AGBL1: variants seen among roughly 807,000 people sequenced by gnomAD.
The protein encoded by AGBL1 is AGBL carboxypeptidase 1, also known as cytosolic carboxypeptidase 4.
A neutral mutation model predicts 118.9 loss-of-function variants in AGBL1; 130 were observed. The ratio of observed to expected loss-of-function variants is 1.09; its 90% CI spans 0.95 to 1.26. AGBL1 has a LOEUF of 1.26. AGBL1 is among the 50% of genes most tolerant of loss of function. The pLI is 0.00. For missense variants in AGBL1, 1,584 were observed against 1,298.1 expected (o/e 1.22, Z -3.38); for synonymous variants, 555 against 478.9 (o/e 1.16, Z -2.08).
intron 23 of AGBL1, among the ~76,000 whole-genome samples, chr15:86,967,439 C>T (rs1253343034): frequency 1.3e-5 from 2 of 152,064 alleles, no homozygotes; most frequent in Non-Finnish European, 2.9e-5. Flanking sequence ...AGGTTTTCTT[C>T]TAGGGTTTTT....
At chr15:86,705,594 T>C (rs2086435902) in intron 22 of AGBL1, among the ~76,000 whole-genome samples, 1 of 152,190 alleles carries the variant, frequency 6.6e-6, no homozygotes, top group Non-Finnish European at 1.5e-5. Flanking sequence ...CATTCCTCAA[T>C]TGAGACTGCT....
chr15:86,740,598 G>A (rs8032399), intron 22 of AGBL1, among the ~76,000 whole-genome samples: 126,294 of 152,140 alleles, frequency 0.83, 52,612 homozygotes, highest in East Asian at 0.94. Context: ...GTTGAGTGAT[G>A]ATTATGGCAC....
intron 18 of AGBL1, among the ~76,000 whole-genome samples, chr15:86,470,894 A>G (rs1335160322): frequency 6.6e-6 from 1 of 152,016 alleles, no homozygotes; most frequent in South Asian, 2.1e-4. Flanking sequence ...GCATTACTGA[A>G]TTTGTTTATT....
At chr15:86,449,451 A>G (rs1271151164) in intron 18 of AGBL1, among the ~76,000 whole-genome samples, 1 of 152,214 alleles carries the variant, frequency 6.6e-6, no homozygotes, top group Non-Finnish European at 1.5e-5. Flanking sequence ...CAACAGTGGT[A>G]CAGTGGTTGA....
chr15:86,219,945 CTTTT>C (rs68023928), intron 5 of AGBL1, among the ~76,000 whole-genome samples: 4 of 85,772 alleles, frequency 4.7e-5, no homozygotes, highest in East Asian at 4.1e-4. Flanking sequence ...AATGCTGCCT[CTTTT>C]TTTTTTTTTT....
intron 18 of AGBL1, among the ~76,000 whole-genome samples, chr15:86,438,655 CTCTTT>C (rs2082026101): frequency 7.4e-6 from 1 of 135,106 alleles, no homozygotes; most frequent in Non-Finnish European, 1.5e-5. Flanking sequence ...GATAATCTGT[CTCTTT>C]TTTTTTTTTT....
At chr15:86,167,861 A>G (rs778854446) in intron 5 of AGBL1, among the ~76,000 whole-genome samples, 7 of 152,242 alleles carry the variant, frequency 4.6e-5, no homozygotes, top group Admixed American at 1.3e-4. Flanking sequence ...TTATAGTGCT[A>G]TTTTAATATT....
intron 18 of AGBL1, among the ~76,000 whole-genome samples, chr15:86,498,473 T>C (rs934300090): frequency 1.3e-5 from 2 of 151,928 alleles, no homozygotes; most frequent in African/African-American, 4.8e-5. Flanking sequence ...TGGCAAGAAA[T>C]TTGAACCAGA....
chr15:86,092,518 A>G (rs570417316), intron 1 of AGBL1, among the ~76,000 whole-genome samples: 1 of 152,306 alleles, frequency 6.6e-6, no homozygotes. Context: ...CTAATGATAA[A>G]ATGAGCTTGT....
At chr15:86,726,499 T>C (rs2086820750) in intron 22 of AGBL1, among the ~76,000 whole-genome samples, 1 of 152,214 alleles carries the variant, frequency 6.6e-6, no homozygotes, top group Non-Finnish European at 1.5e-5. Context: ...AACTTAGGAT[T>C]GAGCAAGATA....
At chr15:86,213,349 T>C (rs937778492) in intron 5 of AGBL1, among the ~76,000 whole-genome samples, 3 of 152,166 alleles carry the variant, frequency 2.0e-5, no homozygotes, top group Non-Finnish European at 2.9e-5. Flanking sequence ...AGTCCCTTGG[T>C]CAGATCTACT....
chr15:86,858,937 C>A (rs909277483), intron 22 of AGBL1, among the ~76,000 whole-genome samples: 1 of 152,144 alleles, frequency 6.6e-6, no homozygotes, highest in Non-Finnish European at 1.5e-5. Context: ...ATTATTACCT[C>A]CACCTTATGG....
Position 86,199,811 on chromosome 15 carries a change from A to AT in AGBL1, c.489-25102dup, listed in dbSNP as rs756949541. 2.6e-5 allele frequency among the ~76,000 whole-genome samples: 4 copies of AT among 152,334 alleles called. No homozygotes were observed. The East Asian group carries it at 7.7e-4, about 29-fold the overall frequency. On this transcript the variant is annotated intron_variant, in intron 5 of 22. Coordinates refer to ENST00000614907, the MANE Select transcript of AGBL1 (RefSeq NM_001386094.1). ...TAAGGAAAATTATTTCTCATAATTTATATTACTTGAATCTAATTTTATGTA... is the reference window on the plus strand; with the variant it reads ...TAAGGAAAATTATTTCTCATAATTTATTATTACTTGAATCTAATTTTATGTA...
rs532876719 is a variant in AGBL1, at chr15:87,019,441, T to G, written c.3324-9384T>G. 2.1e-4 allele frequency among the ~76,000 whole-genome samples: 32 copies of G among 152,172 alleles called. No homozygotes were observed. In the South Asian group the frequency reaches 6.2e-3, roughly 30 times the overall value. On this transcript the variant is annotated intron_variant, in intron 24 of 24. Transcript: ENST00000441037. ...AACAGTCTGTTAGACCACAGTGCAA[T>G]CAAATTAGAATGCAAGATTAAGAAA...
At chr15:86,937,758 T>A (rs974321468) in intron 23 of AGBL1, among the ~76,000 whole-genome samples, 1 of 152,218 alleles carries the variant, frequency 6.6e-6, no homozygotes, top group Non-Finnish European at 1.5e-5. Context: ...GACATGAGTT[T>A]ACCTATGTGG....
chr15:86,880,881 G>A (rs62032643), intron 22 of AGBL1, among the ~76,000 whole-genome samples: 15,477 of 152,072 alleles, frequency 0.1, 1,050 homozygotes, highest in Non-Finnish European at 0.14. Flanking sequence ...CCCTGTTACA[G>A]CCTCCGTGGT....
chr15:86,689,040 C>A (rs2086113939), intron 22 of AGBL1, among the ~76,000 whole-genome samples: 1 of 152,124 alleles, frequency 6.6e-6, no homozygotes. Flanking sequence ...AATCCTATTT[C>A]ATTTTACTTT....
intron 17 of AGBL1, among the ~76,000 whole-genome samples, chr15:86,327,952 G>A (rs1412009477): frequency 6.6e-6 from 1 of 152,158 alleles, no homozygotes; most frequent in Non-Finnish European, 1.5e-5. Flanking sequence ...TATGGTTTAG[G>A]ATCCTGGCTT....
chr15:86,624,591 G>T (rs761962039), intron 21 of AGBL1, among the ~76,000 whole-genome samples: 2 of 152,166 alleles, frequency 1.3e-5, no homozygotes, highest in Non-Finnish European at 2.9e-5. Context: ...ATTTAATTAA[G>T]GCTGGAAGTG....
Sources: gnomAD v4.1 joint callset for allele counts (sites outside exome capture counted in the v4.1 genomes callset) on GRCh38, gnomAD v4.1.1 for gene constraint, MANE v1.5 for transcripts, NCBI Gene and HGNC (gene_info 2026-07-23, HGNC 2026-07-21) for gene names.